Variants in RUNX1T1 observed in about 807,000 individuals in gnomAD.
RUNX1T1 encodes the protein protein CBFA2T1.
A neutral mutation model predicts 62.8 loss-of-function variants in RUNX1T1; 4 were observed. That is an observed-to-expected ratio of 0.06 (90% CI 0.03 to 0.15). The LOEUF is 0.15. Ranked by LOEUF, RUNX1T1 falls within the 10% of genes least tolerant of loss-of-function variation. The probability of loss-of-function intolerance (pLI) is 1.00; values close to 1 mark genes in which losing one functional copy is unlikely to be tolerated. For synonymous variants in RUNX1T1, 291 were observed against 286.0 expected (o/e 1.02, Z -0.18); for missense variants, 508 against 754.3 (o/e 0.67, Z 3.82).
At chr8:92,093,996 T>C (rs566939555) in intron 1 of RUNX1T1, among the ~76,000 whole-genome samples, 1 of 152,344 alleles carries the variant, frequency 6.6e-6, no homozygotes, top group East Asian at 1.9e-4. Context: ...AGGCTGTCCT[T>C]TTCCATTCTG....
chr8:92,103,217 C>CA (rs1808457410), upstream of RUNX1T1: 1 of 303,444 alleles, frequency 3.3e-6, no homozygotes, highest in Non-Finnish European at 6.0e-6. Context: ...CTGTGGCAGA[C>CA]AAATGTGATG....
At chr8:92,005,500 A>T in intron 4 of RUNX1T1, 2 of 526,470 alleles carry the variant, frequency 3.8e-6, no homozygotes, top group South Asian at 5.6e-5. Flanking sequence ...GAGGTGACTG[A>T]CCCTTGTACA....
intron 1 of RUNX1T1, among the ~76,000 whole-genome samples, chr8:92,049,650 A>G (rs28728418): frequency 0.22 from 33,845 of 152,070 alleles, 3,914 homozygotes; most frequent in African/African-American, 0.27. Flanking sequence ...TGAGGAGGGG[A>G]AGAACCTCTA....
intron 1 of RUNX1T1, among the ~76,000 whole-genome samples, chr8:92,034,670 A>ATGTG (rs35165263): frequency 1.5e-4 from 23 of 148,962 alleles, no homozygotes; most frequent in African/African-American, 4.5e-4. Context: ...GCATATATAT[A>ATGTG]TGTGTGTGTG....
At chr8:91,956,188 G>GCTAT (rs1809353723), downstream of RUNX1T1, 1 of 230,784 alleles carries the variant, frequency 4.3e-6, no homozygotes, top group African/African-American at 2.2e-5. Flanking sequence ...AAGGGCCTCT[G>GCTAT]CTATCTATGC....
At chr8:91,956,481 A>G (rs1809405603), downstream of RUNX1T1, 3 of 226,264 alleles carry the variant, frequency 1.3e-5, no homozygotes, top group Non-Finnish European at 2.6e-5. Context: ...ACCGGGGACG[A>G]GGGAGACAGA....
At chr8:92,035,470 T>C (rs188493381) in intron 1 of RUNX1T1, among the ~76,000 whole-genome samples, 8 of 151,994 alleles carry the variant, frequency 5.3e-5, no homozygotes. Flanking sequence ...AAGAAATGCA[T>C]CTGCACTTGT....
intron 1 of RUNX1T1, among the ~76,000 whole-genome samples, chr8:92,035,880 G>A (rs1477062111): frequency 6.6e-6 from 1 of 151,968 alleles, no homozygotes; most frequent in Non-Finnish European, 1.5e-5. Context: ...AAACCATTGG[G>A]GAACCTAGAA....
intron 1 of RUNX1T1, among the ~76,000 whole-genome samples, chr8:92,040,440 C>G (rs1183963723): frequency 6.6e-6 from 1 of 152,154 alleles, no homozygotes; most frequent in Non-Finnish European, 1.5e-5. Context: ...GCATTCTGCA[C>G]AATGCTTAGC....
chr8:92,100,319 T>G (rs1837975973), upstream of RUNX1T1, among the ~76,000 whole-genome samples: 1 of 152,320 alleles, frequency 6.6e-6, no homozygotes, highest in East Asian at 1.9e-4. Flanking sequence ...TTTTATTAGG[T>G]ATAAACTGGA....
exon 10 of RUNX1T1, chr8:91,970,817 C>T (rs146810742): frequency 1.3e-5 from 21 of 1,611,650 alleles, no homozygotes; most frequent in Middle Eastern, 1.6e-4. Flanking sequence ...GCTCCGTCAT[C>T]GCCTGGCGCT....
At chr8:92,103,049 C>G, upstream of RUNX1T1, 1 of 596,062 alleles carries the variant, frequency 1.7e-6, no homozygotes, top group Non-Finnish European at 2.5e-6. Flanking sequence ...CGCGGAGCGA[C>G]TACGGCCGCC....
At chr8:92,004,536 A>AACAGTATCT (rs1212731093) in intron 5 of RUNX1T1, 1 of 152,168 alleles carries the variant, frequency 6.6e-6, no homozygotes, top group Non-Finnish European at 1.5e-5. Context: ...TATCTGATAG[A>AACAGTATCT]ACAGTATCTA....
At chr8:92,009,443 T>C (rs951915284) in intron 4 of RUNX1T1, among the ~76,000 whole-genome samples, 2 of 152,178 alleles carry the variant, frequency 1.3e-5, no homozygotes, top group African/African-American at 4.8e-5. Flanking sequence ...AAAAAAGTTA[T>C]ATCTTTGATT....
chr8:91,977,788 TTTTTC>T (rs1422231806), intron 8 of RUNX1T1, among the ~76,000 whole-genome samples: 1 of 150,906 alleles, frequency 6.6e-6, no homozygotes, highest in African/African-American at 2.5e-5. Flanking sequence ...AAAACTTATT[TTTTTC>T]TTTTTTCTTT....
chr8:92,011,716 A>G (rs76855346), intron 3 of RUNX1T1, among the ~76,000 whole-genome samples: 2,093 of 152,254 alleles, frequency 0.014, 50 homozygotes, highest in African/African-American at 0.047. Flanking sequence ...CCAATTATCG[A>G]AGACATTCCA....
At chr8:92,054,836 T>TACAACA (rs548080789) in intron 1 of RUNX1T1, among the ~76,000 whole-genome samples, 1 of 151,376 alleles carries the variant, frequency 6.6e-6, no homozygotes, top group Admixed American at 6.6e-5. Flanking sequence ...TCTACTAAAA[T>TACAACA]ACAACAACAA....
At chr8:91,987,079 G>T in intron 6 of RUNX1T1, 107 bp from the exon 8 acceptor site, 1 of 754,856 alleles carries the variant, frequency 1.3e-6, no homozygotes, top group Non-Finnish European at 2.4e-6. Flanking sequence ...GTAAAAATAC[G>T]TTTGATTTTG....
At chr8:92,102,722 G>A (rs1381181289), upstream of RUNX1T1, 6 of 889,466 alleles carry the variant, frequency 6.7e-6, no homozygotes, top group Non-Finnish European at 7.8e-6. The surrounding 1 kb of genome is among the most constrained non-coding windows in gnomAD (Gnocchi z 4.5). Flanking sequence ...CCCTAATTGA[G>A]CGACAAGTAC....
Sources: gnomAD v4.1 joint callset for allele counts (sites outside exome capture counted in the v4.1 genomes callset) on GRCh38, gnomAD v4.1.1 for gene constraint, Gnocchi (gnomAD v3.1) non-coding constraint, MANE v1.5 for transcripts, NCBI Gene and HGNC (gene_info 2026-07-23, HGNC 2026-07-21) for gene names.